HIVEP3: variants seen among roughly 807,000 people sequenced by gnomAD.
The protein encoded by HIVEP3 is HIVEP zinc finger 3.
HIVEP3 carries 49 observed loss-of-function variants against 152.8 expected under a neutral mutation model. That is an observed-to-expected ratio of 0.32 (90% confidence interval 0.26 to 0.41). The LOEUF is 0.41. Among genes scored for constraint, HIVEP3 ranks in the 10% least tolerant of loss-of-function variants. The pLI, the probability that HIVEP3 is intolerant of heterozygous loss-of-function variation, is 1.00. For synonymous variants in HIVEP3, 1,269 were observed against 1,289.0 expected, an observed-to-expected ratio of 0.98 and a Z score of 0.33; for missense variants, 2,790 against 3,103.3, an observed-to-expected ratio of 0.90 and a Z score of 2.40.
intron 1 of HIVEP3, among the ~76,000 whole-genome samples, chr1:42,011,411 T>A (rs1645491563): frequency 1.3e-5 from 2 of 152,360 alleles, no homozygotes; most frequent in South Asian, 4.1e-4. Flanking sequence ...TTAGTTTCTG[T>A]ATTGACCTCC....
chr1:41,825,567 G>C (rs1031771410), intron 1 of HIVEP3, among the ~76,000 whole-genome samples: 1 of 87,506 alleles, frequency 1.1e-5, no homozygotes, highest in African/African-American at 4.6e-5. Context: ...CACTGCACCT[G>C]GCCAAAGTGA....
intron 1 of HIVEP3, among the ~76,000 whole-genome samples, chr1:41,963,566 C>T (rs1336454304): frequency 2.0e-5 from 3 of 151,770 alleles, no homozygotes; most frequent in South Asian, 4.2e-4. Flanking sequence ...AGGAGATATA[C>T]CTAATGTAAA....
Position 41,982,975 on chromosome 1 carries a change from G to A in HIVEP3, n.119+52832C>T, listed in dbSNP as rs190180189. 4.6e-5 allele frequency among the ~76,000 whole-genome samples: 7 copies of A among 152,344 alleles called. No individual in the cohort carries two copies. In the East Asian group the frequency reaches 7.7e-4, roughly 17 times the overall value. ...TTCCATAGACCGGTAGCAGGGGAAC[G>A]GTTTCAGGATGAAACTGTTCCACCA... On this transcript the variant is annotated intron_variant and non_coding_transcript_variant, in intron 1 of 3. Transcript: ENST00000489103.
At chr1:41,795,343 G>A (rs1013793120) in intron 1 of HIVEP3, among the ~76,000 whole-genome samples, 7 of 152,170 alleles carry the variant, frequency 4.6e-5, no homozygotes, top group African/African-American at 1.4e-4. Context: ...AGGGGCTGTG[G>A]GTTTTTGGAG....
At chr1:41,876,724 G>T (rs916092198) in intron 1 of HIVEP3, among the ~76,000 whole-genome samples, 5 of 152,078 alleles carry the variant, frequency 3.3e-5, no homozygotes, top group Non-Finnish European at 5.9e-5. Context: ...TCAGCACTTG[G>T]AAAACTATCC....
At chr1:41,545,461 T>C (rs1436864006) in intron 5 of HIVEP3, among the ~76,000 whole-genome samples, 5 of 95,210 alleles carry the variant, frequency 5.3e-5, no homozygotes, top group South Asian at 4.6e-4. Flanking sequence ...ATTGCTACCA[T>C]CACCACCACC....
chr1:41,712,608 G>T (rs972480128), intron 1 of HIVEP3, among the ~76,000 whole-genome samples: 3 of 152,194 alleles, frequency 2.0e-5, no homozygotes, highest in African/African-American at 7.2e-5. Context: ...GACAATAAAG[G>T]CTCTGCCCTT....
chr1:41,916,963 A>G (rs1360509092), intron 1 of HIVEP3, among the ~76,000 whole-genome samples: 1 of 152,146 alleles, frequency 6.6e-6, no homozygotes, highest in African/African-American at 2.4e-5. Flanking sequence ...TGGCTGAAAG[A>G]GACACAGGAG....
chr1:41,771,289 C>T (rs12134879), intron 1 of HIVEP3, among the ~76,000 whole-genome samples: 1 of 151,930 alleles, frequency 6.6e-6, no homozygotes, highest in African/African-American at 2.4e-5. Flanking sequence ...CACCTCCCCC[C>T]ACCCCCAAAA....
At chr1:41,710,618 G>A (rs1646498836) in intron 1 of HIVEP3, among the ~76,000 whole-genome samples, 1 of 152,154 alleles carries the variant, frequency 6.6e-6, no homozygotes, top group Non-Finnish European at 1.5e-5. Context: ...CTCACAATGA[G>A]GCGCATCTAA....
At chr1:41,588,151 C>T (rs1311962215) in intron 3 of HIVEP3, among the ~76,000 whole-genome samples, 1 of 152,238 alleles carries the variant, frequency 6.6e-6, no homozygotes, top group African/African-American at 2.4e-5. Context: ...GTTTGCAGCA[C>T]AGAGAGAACT....
chr1:41,715,960 G>A (rs1040671767), intron 1 of HIVEP3, among the ~76,000 whole-genome samples: 1 of 152,248 alleles, frequency 6.6e-6, no homozygotes, highest in Non-Finnish European at 1.5e-5. Context: ...GAAGTGGACG[G>A]TGGGGCCCCG....
chr1:41,515,101 T>G (rs971023967), intron 7 of HIVEP3, among the ~76,000 whole-genome samples: 7 of 152,118 alleles, frequency 4.6e-5, no homozygotes, highest in African/African-American at 1.7e-4. Context: ...TGCTGACAGG[T>G]GGGTTGAGCT....
At chr1:41,683,261 T>G (rs1301459296) in intron 2 of HIVEP3, among the ~76,000 whole-genome samples, 1 of 152,172 alleles carries the variant, frequency 6.6e-6, no homozygotes, top group South Asian at 2.1e-4. Flanking sequence ...AAAAGAGCCT[T>G]ATATTTGCAG....
intron 1 of HIVEP3, among the ~76,000 whole-genome samples, chr1:41,851,437 G>T (rs1368286059): frequency 2.0e-5 from 3 of 151,442 alleles, no homozygotes; most frequent in Non-Finnish European, 4.4e-5. Flanking sequence ...CAAGTAGCTG[G>T]GTCTACAGGC....
intron 1 of HIVEP3, among the ~76,000 whole-genome samples, chr1:41,769,552 G>C (rs1165890457): frequency 6.6e-6 from 1 of 152,134 alleles, no homozygotes; most frequent in Non-Finnish European, 1.5e-5. Flanking sequence ...GACCAGCCTG[G>C]AGAAACTTGT....
chr1:41,820,298 T>C (rs76729806), intron 1 of HIVEP3, among the ~76,000 whole-genome samples: 1,631 of 152,332 alleles, frequency 0.011, 27 homozygotes, highest in African/African-American at 0.037. Context: ...TTGTTACGCT[T>C]CATGAACCCC....
intron 1 of HIVEP3, among the ~76,000 whole-genome samples, chr1:41,865,936 C>T (rs1295553716): frequency 6.6e-6 from 1 of 152,140 alleles, no homozygotes; most frequent in Non-Finnish European, 1.5e-5. Flanking sequence ...AAAGACTTGA[C>T]AAATAAACTA....
chr1:42,029,503 G>A (rs894166180), intron 1 of HIVEP3, among the ~76,000 whole-genome samples: 14 of 152,280 alleles, frequency 9.2e-5, no homozygotes. Flanking sequence ...GACTAGGAGA[G>A]GCCCCTTCCT....
Sources: gnomAD v4.1 joint callset for allele counts (sites outside exome capture counted in the v4.1 genomes callset) on GRCh38, gnomAD v4.1.1 for gene constraint, MANE v1.5 for transcripts, NCBI Gene and HGNC (gene_info 2026-07-23, HGNC 2026-07-21) for gene names.